The following RP2 variants were observed in gnomAD, a reference collection of about 807,000 sequenced individuals.
The protein encoded by RP2 is protein XRP2.
In RP2, 3 loss-of-function variants were observed where a neutral mutation model predicts 20.3. The observed-to-expected ratio is 0.15, with a 90% CI of 0.07 to 0.38. The LOEUF (loss-of-function observed/expected upper bound fraction) is 0.38, where lower values mean the gene tolerates loss of function less well. Among genes scored for constraint, RP2 ranks in the 10% least tolerant of loss-of-function variants. The pLI is 1.00. For synonymous variants in RP2, 75 were observed against 94.8 expected (o/e 0.79, Z 1.22); for missense variants, 233 against 268.5 (o/e 0.87, Z 0.92).
chrX:46,848,871 A>G (rs1924807569), intron 1 of RP2, among the ~76,000 whole-genome samples: 1 of 107,976 alleles, frequency 9.3e-6, no homozygotes, highest in Admixed American at 9.9e-5. Context: ...TCTACAGAAA[A>G]TACAAAAATT....
chrX:46,878,653 T>C (rs1925416323), intron 4 of RP2, among the ~76,000 whole-genome samples: 1 of 111,070 alleles, frequency 9.0e-6, no homozygotes, highest in South Asian at 3.7e-4. Flanking sequence ...AGAGGGAAAA[T>C]ACCAGGTTGA....
chrX:46,854,238 C>T, intron 2 of RP2, 97 bp downstream of exon 2: 2 of 849,623 alleles, frequency 2.4e-6, no homozygotes, highest in Non-Finnish European at 1.7e-6. Context: ...ATTGGAAATA[C>T]AGGCAACCCT....
rs984602853 is a variant in RP2 at position 46,876,121 on chromosome X, A to G, written c.884-1384A>G. Among the ~76,000 whole-genome samples the G allele has an allele frequency of 8.3e-5, 8 of 96,722 alleles. No homozygotes were observed. The East Asian group carries it at 1.5e-3, about 18-fold the overall frequency. 84.0% of individuals were successfully genotyped at this position (96,722 alleles called of 115,157 possible). A position where few individuals can be genotyped will look rare whatever the true frequency, so the allele number is the denominator to read the frequency against. On this transcript the variant is annotated intron_variant, in intron 3 of 4. Coordinates refer to ENST00000218340, the MANE Select transcript of RP2 (RefSeq NM_006915.3). ...AGACTGAGCAACATAGTGAGACCCCATATCTATTTTTTTTTTGAGACATGG... is the reference window on the plus strand; with the variant it reads ...AGACTGAGCAACATAGTGAGACCCCGTATCTATTTTTTTTTTGAGACATGG...
intron 1 of RP2, among the ~76,000 whole-genome samples, chrX:46,845,853 T>G (rs1924707364): frequency 9.0e-6 from 1 of 110,515 alleles, no homozygotes; most frequent in African/African-American, 3.3e-5. Flanking sequence ...AGCCTCAGCC[T>G]CCGGGGCTCA....
intron 2 of RP2, among the ~76,000 whole-genome samples, chrX:46,855,067 A>G (rs1556318927): frequency 9.0e-6 from 1 of 111,437 alleles, no homozygotes; most frequent in Non-Finnish European, 1.9e-5. Context: ...CACCCAGCCA[A>G]AAGTACATTT....
chrX:46,847,704 ATATATACACACATATATGTGTGTGTG>A (rs1569531334), intron 1 of RP2, among the ~76,000 whole-genome samples: 20 of 82,599 alleles, frequency 2.4e-4, no homozygotes, highest in East Asian at 3.7e-4. Flanking sequence ...GTGTGTGTGT[ATATATACACACATATATGTGTGTGTG>A]TATATACACA....
chrX:46,860,294 G>A (rs1340545373), intron 3 of RP2, among the ~76,000 whole-genome samples, 192 bp downstream of exon 3: 2 of 110,746 alleles, frequency 1.8e-5, no homozygotes, highest in Non-Finnish European at 3.8e-5. Flanking sequence ...CTAGAAATTA[G>A]GCATTCTTTT....
intron 3 of RP2, among the ~76,000 whole-genome samples, chrX:46,867,901 G>A: frequency 8.9e-6 from 1 of 112,065 alleles, no homozygotes; most frequent in Non-Finnish European, 1.9e-5. Flanking sequence ...CCATTTATCT[G>A]TTGATGGGCA....
At chrX:46,843,365 A>G (rs1186783967) in intron 1 of RP2, among the ~76,000 whole-genome samples, 2 of 111,674 alleles carry the variant, frequency 1.8e-5, no homozygotes, top group Non-Finnish European at 3.8e-5. Flanking sequence ...CACCATTTAT[A>G]TTTCCACCAG....
intron 1 of RP2, among the ~76,000 whole-genome samples, chrX:46,847,814 ATATATGTG>A (rs782554043): frequency 4.3e-4 from 40 of 93,851 alleles, no homozygotes; most frequent in Non-Finnish European, 8.2e-4. Context: ...ATATACACAC[ATATATGTG>A]TATATGTGTA....
At chrX:46,854,566 C>A (rs1461245388) in intron 2 of RP2, among the ~76,000 whole-genome samples, 1 of 110,844 alleles carries the variant, frequency 9.0e-6, no homozygotes, top group Non-Finnish European at 1.9e-5. Context: ...TAATTGATAG[C>A]AACTCAGAAA....
chrX:46,846,368 G>A (rs1196331638), intron 1 of RP2, among the ~76,000 whole-genome samples: 2 of 110,841 alleles, frequency 1.8e-5, no homozygotes, highest in East Asian at 2.9e-4. Context: ...CAGAAGGATC[G>A]CTTGAGGCCA....
chrX:46,854,134 T>G lies in RP2; in HGVS notation c.761T>G (p.Ile254Ser). 1.7e-6 allele frequency: 2 copies of G among 1,207,039 alleles called. No individual in the cohort carries two copies. Among genetic ancestry groups the G allele is most frequent in the Non-Finnish European group, 2.2e-6 (2 of 891,485 alleles). The stretch of plus-strand genomic sequence containing the variant: ...ACTATTGCAAATGCCAGAAAACTAA[T>G]TGATGAGGTAAGGAGAAAGAGAAGA... The part of the protein sequence containing the change: ...DYTIANARKL[I>S]DEMVGKGFFL... The change falls in exon 2 of 5, where the codon ATT becomes AGT. Residue 254 changes from isoleucine (I) to serine (S), a missense_variant. By Grantham distance (142) the Ile-to-Ser change is moderately radical. Transcript: ENST00000218340.
At chrX:46,845,266 GT>G in intron 1 of RP2, among the ~76,000 whole-genome samples, 1 of 111,602 alleles carries the variant, frequency 9.0e-6, no homozygotes, top group Non-Finnish European at 1.9e-5. Context: ...TATTTGTCCT[GT>G]TCATTTTCTT....
At chrX:46,847,848 A>G (rs1226878031) in intron 1 of RP2, among the ~76,000 whole-genome samples, 1 of 99,086 alleles carries the variant, frequency 1.0e-5, no homozygotes, top group Admixed American at 1.1e-4. Flanking sequence ...GTGTGTATAT[A>G]TGTGTATATA....
intron 2 of RP2, among the ~76,000 whole-genome samples, chrX:46,858,327 G>A (rs1025076279): frequency 8.9e-6 from 1 of 111,734 alleles, no homozygotes. Context: ...TATGGCAGTA[G>A]CATCTTTTAG....
chrX:46,861,508 A>T (rs1925061623), intron 3 of RP2, among the ~76,000 whole-genome samples: 1 of 111,698 alleles, frequency 9.0e-6, no homozygotes, highest in African/African-American at 3.2e-5. Flanking sequence ...AGCCAGCTTG[A>T]AGGAGTTTCC....
At chrX:46,846,809 G>A (rs1924722116) in intron 1 of RP2, among the ~76,000 whole-genome samples, 2 of 110,410 alleles carry the variant, frequency 1.8e-5, no homozygotes, top group East Asian at 2.9e-4. Flanking sequence ...CTGCAGCCTG[G>A]ACTGCCTGGG....
At chrX:46,873,078 T>C (rs1181264138) in intron 3 of RP2, among the ~76,000 whole-genome samples, 2 of 111,467 alleles carry the variant, frequency 1.8e-5, no homozygotes, top group Admixed American at 9.7e-5. Context: ...AAAATAAAAA[T>C]ATAGATCATA....
Sources: gnomAD v4.1 joint callset for allele counts (sites outside exome capture counted in the v4.1 genomes callset) on GRCh38, gnomAD v4.1.1 for gene constraint, MANE v1.5 for transcripts, NCBI Gene and HGNC (gene_info 2026-07-23, HGNC 2026-07-21) for gene names.